KCNIP4: variants seen among roughly 807,000 people sequenced by gnomAD.
KCNIP4 encodes potassium voltage-gated channel interacting protein 4.
Under a neutral mutation model 34.0 loss-of-function variants are expected in KCNIP4, and 12 were observed. The observed-to-expected ratio is 0.35, with a 90% CI of 0.23 to 0.57. The LOEUF (loss-of-function observed/expected upper bound fraction) is 0.57, where lower values mean the gene tolerates loss of function less well. Ranked by LOEUF, KCNIP4 falls within the 20% of genes least tolerant of loss-of-function variation. The probability of loss-of-function intolerance (pLI) is 0.83; values close to 1 mark genes in which losing one functional copy is unlikely to be tolerated. For synonymous variants in KCNIP4, 124 were observed against 102.2 expected, an observed-to-expected ratio of 1.21 and a Z score of -1.29; for missense variants, 238 against 311.7, an observed-to-expected ratio of 0.76 and a Z score of 1.78.
chr4:21,823,490 G>A (rs1197938618), intron 1 of KCNIP4, among the ~76,000 whole-genome samples: 1 of 145,276 alleles, frequency 6.9e-6, no homozygotes, highest in African/African-American at 2.6e-5. Context: ...AAATGTGCAT[G>A]CCATTTTTGT....
At chr4:20,903,198 C>T (rs73242556) in intron 1 of KCNIP4, among the ~76,000 whole-genome samples, 7,516 of 152,188 alleles carry the variant, frequency 0.049, 209 homozygotes, top group Middle Eastern at 0.11. Context: ...CAAAGGCATA[C>T]GAGGAATTTA....
In KCNIP4 at chr4:21,466,726, G is replaced by A. The variant is rs192313928; in HGVS notation, c.61+481845C>T. On this transcript the variant is annotated intron_variant, in intron 1 of 8. Coordinates refer to ENST00000382152, the MANE Select transcript of KCNIP4 (RefSeq NM_025221.6). ...CATTTATACAAATGCCCCAGATAAC[G>A]TCTCCTAATGGGGCTGTCATGTAAT... Among the ~76,000 whole-genome samples the A allele has an allele frequency of 8.5e-5, 13 of 152,162 alleles. No homozygotes were observed. In the East Asian group the frequency reaches 1.2e-3, roughly 14 times the overall value.
chr4:21,861,656 C>CAAAAAAAAAAAAAAAA (rs59277001), intron 1 of KCNIP4, among the ~76,000 whole-genome samples: 1 of 101,320 alleles, frequency 9.9e-6, no homozygotes, highest in Non-Finnish European at 1.9e-5. Context: ...GACTCCGTCT[C>CAAAAAAAAAAAAAAAA]AAAAAAAAAA....
intron 1 of KCNIP4, among the ~76,000 whole-genome samples, chr4:21,370,802 TATATATA>T (rs1720284349): frequency 2.4e-4 from 1 of 4,150 alleles, no homozygotes; most frequent in East Asian, 2.6e-3. Context: ...TGGATTGAAA[TATATATA>T]TATATATATA....
intron 1 of KCNIP4, among the ~76,000 whole-genome samples, chr4:21,749,015 A>C (rs1716967435): frequency 6.6e-6 from 1 of 152,180 alleles, no homozygotes; most frequent in Non-Finnish European, 1.5e-5. Context: ...TAAATTACTC[A>C]ATTCTTAAAG....
chr4:20,762,690 G>A lies in KCNIP4; in HGVS notation c.289-3800C>T, dbSNP rs61267354. 3.5e-3 allele frequency among the ~76,000 whole-genome samples: 534 copies of A among 152,298 alleles called. 5 individuals are homozygous for A. The highest frequency in any genetic ancestry group is 0.012 in the African/African-American group (491 of 41,558). On this transcript the variant is annotated intron_variant, in intron 3 of 8. Transcript: ENST00000382152. ...GTTAACTCTTGCTGCTGTAAAATTAGGCCTTCAAATGTCCCTTAATCAAAA... is the reference window on the plus strand; with the variant it reads ...GTTAACTCTTGCTGCTGTAAAATTAAGCCTTCAAATGTCCCTTAATCAAAA...
intron 1 of KCNIP4, among the ~76,000 whole-genome samples, chr4:21,005,251 T>C (rs547149364): frequency 6.6e-6 from 1 of 152,184 alleles, no homozygotes; most frequent in Non-Finnish European, 1.5e-5. Context: ...GACATCCACC[T>C]GGTCACATGG....
intron 1 of KCNIP4, among the ~76,000 whole-genome samples, chr4:21,385,238 A>G (rs770306551): frequency 3.3e-5 from 5 of 152,158 alleles, no homozygotes; most frequent in Non-Finnish European, 5.9e-5. Context: ...AAGGGTGTTC[A>G]TGGCCAAACT....
In KCNIP4 at chr4:21,214,310, A is replaced by G. The variant is rs1757417953; in HGVS notation, c.62-331601T>C. Among the ~76,000 whole-genome samples, 4 of 152,304 alleles carry G rather than the reference A, an allele frequency of 2.6e-5. No individual in the cohort carries two copies. In the South Asian group the frequency reaches 6.2e-4, roughly 24 times the overall value. On this transcript the variant is annotated intron_variant, in intron 1 of 8. Transcript: ENST00000382152. ...CATCTCCTTCAGGAAATCCACATCC[A>G]TATCCCTGTCTCCTCTCATCTACCT...
At chr4:21,504,475 A>AAAAAAAAAAAAAAAGAAAGAAAG (rs1264431211) in intron 1 of KCNIP4, among the ~76,000 whole-genome samples, 6 of 101,852 alleles carry the variant, frequency 5.9e-5, no homozygotes, top group African/African-American at 2.3e-4. Flanking sequence ...CAAAAAAAAA[A>AAAAAAAAAAAAAAAGAAAGAAAG]AAAGAAAGAA....
intron 1 of KCNIP4, among the ~76,000 whole-genome samples, chr4:21,098,852 C>A (rs552653885): frequency 1.4e-4 from 21 of 152,002 alleles, no homozygotes; most frequent in South Asian, 2.1e-4. Flanking sequence ...ATGTGGCCAA[C>A]AAACATATGA....
chr4:21,151,811 A>C (rs1012582886), intron 1 of KCNIP4, among the ~76,000 whole-genome samples: 2 of 152,154 alleles, frequency 1.3e-5, no homozygotes, highest in Non-Finnish European at 2.9e-5. Flanking sequence ...AGCCTTGTGC[A>C]TAGGCTCTGA....
intron 1 of KCNIP4, among the ~76,000 whole-genome samples, chr4:21,210,633 C>T (rs556391560): frequency 3.3e-4 from 50 of 152,154 alleles, no homozygotes; most frequent in African/African-American, 1.0e-3. Flanking sequence ...CCCAATATTG[C>T]GTCTTATGTG....
chr4:20,834,992 T>G (rs1291926339), intron 3 of KCNIP4, among the ~76,000 whole-genome samples: 1 of 152,200 alleles, frequency 6.6e-6, no homozygotes, highest in African/African-American at 2.4e-5. Context: ...GTACTAATGT[T>G]TTCATTCAAT....
At chr4:21,718,363 T>A (rs914665457) in intron 1 of KCNIP4, 1 of 152,222 alleles carries the variant, frequency 6.6e-6, no homozygotes, top group African/African-American at 2.4e-5. Context: ...TGTATATGGT[T>A]GCTAGTTTTA....
chr4:21,699,317 T>C (rs1201400108), intron 1 of KCNIP4, among the ~76,000 whole-genome samples: 1 of 152,208 alleles, frequency 6.6e-6, no homozygotes, highest in Non-Finnish European at 1.5e-5. Flanking sequence ...GACATGGTTC[T>C]ATGTGCTGGG....
At chr4:20,857,045 A>C (rs776946723) in intron 2 of KCNIP4, among the ~76,000 whole-genome samples, 2 of 58,630 alleles carry the variant, frequency 3.4e-5, no homozygotes, top group East Asian at 4.6e-4. Context: ...ATGCAGTATT[A>C]AAAAAAAAAA....
intron 1 of KCNIP4, among the ~76,000 whole-genome samples, chr4:21,814,816 C>T (rs1051005580): frequency 3.3e-5 from 5 of 152,144 alleles, no homozygotes; most frequent in Admixed American, 6.5e-5. Context: ...TGATGTGCTC[C>T]GTGGCTGTCT....
At chr4:20,886,076 A>G (rs1315989884) in intron 1 of KCNIP4, among the ~76,000 whole-genome samples, 1 of 152,228 alleles carries the variant, frequency 6.6e-6, no homozygotes, top group Non-Finnish European at 1.5e-5. Context: ...CGTCTTCCCT[A>G]CTGAAATGGA....
Sources: gnomAD v4.1 joint callset for allele counts (sites outside exome capture counted in the v4.1 genomes callset) on GRCh38, gnomAD v4.1.1 for gene constraint, MANE v1.5 for transcripts, NCBI Gene and HGNC (gene_info 2026-07-23, HGNC 2026-07-21) for gene names.